OSBPL8: variants seen among roughly 807,000 people sequenced by gnomAD.
The protein encoded by OSBPL8 is oxysterol-binding protein-related protein 8.
OSBPL8 carries 59 observed loss-of-function variants against 125.5 expected under a neutral mutation model. The observed-to-expected ratio is 0.47, with a 90% CI of 0.38 to 0.58. The LOEUF (loss-of-function observed/expected upper bound fraction) is 0.58. Among genes scored for constraint, OSBPL8 ranks in the 20% least tolerant of loss-of-function variants. The pLI is 0.00. For missense variants in OSBPL8, 758 were observed against 1,047.8 expected (o/e 0.72, Z 3.82); for synonymous variants, 330 against 338.9 (o/e 0.97, Z 0.29).
chr12:76,375,824 G>A (rs539027586), intron 16 of OSBPL8, among the ~76,000 whole-genome samples: 101 of 152,010 alleles, frequency 6.6e-4, no homozygotes, highest in African/African-American at 2.2e-3. Context: ...TGGTTTTGCT[G>A]TTTAAAATGG....
At chr12:76,539,913 G>T (rs949027431) in intron 1 of OSBPL8, among the ~76,000 whole-genome samples, 1 of 152,162 alleles carries the variant, frequency 6.6e-6, no homozygotes, top group African/African-American at 2.4e-5. Context: ...TAAAAAAGTA[G>T]TCTGGATTTT....
At chr12:76,521,650 G>A (rs1327601095) in intron 1 of OSBPL8, among the ~76,000 whole-genome samples, 3 of 152,116 alleles carry the variant, frequency 2.0e-5, no homozygotes, top group Admixed American at 6.5e-5. Context: ...GCTACACCAT[G>A]AATAGACATT....
At chr12:76,435,060 T>C (rs1376949312) in intron 4 of OSBPL8, among the ~76,000 whole-genome samples, 2 of 152,102 alleles carry the variant, frequency 1.3e-5, no homozygotes, top group Non-Finnish European at 2.9e-5. Flanking sequence ...ACTCCCATGC[T>C]CACTATAGCA....
chr12:76,384,726 A>G (rs751024719), intron 14 of OSBPL8, among the ~76,000 whole-genome samples: 2 of 152,178 alleles, frequency 1.3e-5, no homozygotes, highest in African/African-American at 2.4e-5. Flanking sequence ...AAAACCCTAC[A>G]GAGAGGGCTA....
intron 15 of OSBPL8, among the ~76,000 whole-genome samples, chr12:76,380,727 T>A (rs935824776): frequency 2.1e-4 from 32 of 152,274 alleles, no homozygotes; most frequent in African/African-American, 7.2e-4. Flanking sequence ...TCAATCTGTA[T>A]GCTATTTTTC....
intron 1 of OSBPL8, among the ~76,000 whole-genome samples, chr12:76,509,682 T>C (rs1880782257): frequency 6.6e-6 from 1 of 152,126 alleles, no homozygotes; most frequent in Non-Finnish European, 1.5e-5. Context: ...ATGATAATAA[T>C]GGAAGACTGG....
intron 3 of OSBPL8, among the ~76,000 whole-genome samples, chr12:76,451,900 C>T (rs1873454991): frequency 6.6e-6 from 1 of 152,122 alleles, no homozygotes; most frequent in Non-Finnish European, 1.5e-5. Context: ...AGGTGGATCA[C>T]CTGAGGCCAG....
intron 4 of OSBPL8, among the ~76,000 whole-genome samples, chr12:76,442,085 T>C (rs565801183): frequency 3.3e-5 from 5 of 152,152 alleles, no homozygotes; most frequent in African/African-American, 1.2e-4. Context: ...CCCACAAAAA[T>C]TAAAAATTAT....
chr12:76,485,045 T>C (rs1054711700), intron 2 of OSBPL8, among the ~76,000 whole-genome samples: 6 of 151,828 alleles, frequency 4.0e-5, no homozygotes, highest in African/African-American at 1.5e-4. Context: ...CTCAGCCTCC[T>C]CGGTAGCTGG....
chr12:76,471,990 G>A (rs1876193079), intron 2 of OSBPL8, among the ~76,000 whole-genome samples: 1 of 152,062 alleles, frequency 6.6e-6, no homozygotes, highest in African/African-American at 2.4e-5. Flanking sequence ...TGACTCTTCT[G>A]ATCCCCTCTG....
At chr12:76,468,951 T>A (rs1875788291) in intron 2 of OSBPL8, among the ~76,000 whole-genome samples, 1 of 152,166 alleles carries the variant, frequency 6.6e-6, no homozygotes, top group African/African-American at 2.4e-5. Context: ...AACTTTAAAT[T>A]AGTCACATGT....
chr12:76,521,450 G>C (rs956963761), intron 1 of OSBPL8, among the ~76,000 whole-genome samples: 10 of 152,004 alleles, frequency 6.6e-5, no homozygotes, highest in African/African-American at 2.4e-4. Context: ...TCCACTTCTA[G>C]GTAAGTAAAC....
At chr12:76,389,869 T>C in intron 11 of OSBPL8, 40 bp from the exon 12 acceptor site, 2 of 1,403,958 alleles carry the variant, frequency 1.4e-6, no homozygotes, top group South Asian at 1.8e-5. Flanking sequence ...ATTATATTTA[T>C]TTCAGACAGA....
rs1223632640 is a variant in OSBPL8 at position 76,433,035 on chromosome 12, T to C, written c.217+17816A>G. Among the ~76,000 whole-genome samples, 4 of 152,162 alleles carry C rather than the reference T, an allele frequency of 2.6e-5. No homozygotes were observed. In the East Asian group the frequency reaches 7.7e-4, roughly 29 times the overall value. On this transcript the variant is annotated intron_variant, in intron 4 of 23. Coordinates refer to ENST00000261183, the MANE Select transcript of OSBPL8 (RefSeq NM_020841.5). ...TCTGAAAAAATTCAACATCTATTCA[T>C]AACAAAAACTCTCAACAAAATAGGT... is the stretch of plus-strand genomic sequence containing the variant.
At chr12:76,556,009 T>C (rs1211864693) in intron 1 of OSBPL8, among the ~76,000 whole-genome samples, 1 of 152,158 alleles carries the variant, frequency 6.6e-6, no homozygotes, top group Non-Finnish European at 1.5e-5. Context: ...AAAACCTAAC[T>C]CAAGAATCAC....
At chr12:76,474,318 T>C (rs912852813) in intron 2 of OSBPL8, among the ~76,000 whole-genome samples, 1 of 152,174 alleles carries the variant, frequency 6.6e-6, no homozygotes, top group East Asian at 1.9e-4. Context: ...CATTAACTTG[T>C]GACTGCTTCA....
At chr12:76,478,916 T>A (rs1474998613) in intron 2 of OSBPL8, among the ~76,000 whole-genome samples, 1 of 152,066 alleles carries the variant, frequency 6.6e-6, no homozygotes, top group African/African-American at 2.4e-5. Context: ...AAACTCCGTC[T>A]CTACTAAAAA....
chr12:76,392,452 A>G, intron 10 of OSBPL8, 129 bp downstream of exon 10: 1 of 753,112 alleles, frequency 1.3e-6, no homozygotes, highest in Non-Finnish European at 2.0e-6. Context: ...GCCGGTTCCT[A>G]GGCCATATAA....
At chr12:76,400,086 G>T in intron 6 of OSBPL8, 112 bp from the exon 7 acceptor site, 1 of 737,424 alleles carries the variant, frequency 1.4e-6, no homozygotes, top group Non-Finnish European at 2.1e-6. Context: ...GTGTCATGGG[G>T]TTTTGTTGTA....
Sources: allele counts gnomAD v4.1 joint callset (sites outside exome capture counted in the v4.1 genomes callset), GRCh38; gene constraint gnomAD v4.1.1; transcripts MANE v1.5; gene names NCBI Gene and HGNC (gene_info 2026-07-23, HGNC 2026-07-21).